The following PDZRN4 variants were observed in gnomAD, a reference collection of about 807,000 sequenced individuals.
PDZRN4 encodes PDZ domain containing ring finger 4.
Under a neutral mutation model 99.0 loss-of-function variants are expected in PDZRN4, and 70 were observed. That is an observed-to-expected ratio of 0.71 (90% confidence interval 0.58 to 0.86). The LOEUF (loss-of-function observed/expected upper bound fraction) is 0.86. Among genes scored for constraint, PDZRN4 ranks in the 40% least tolerant of loss-of-function variants. The probability of loss-of-function intolerance (pLI) is 0.00; values close to 1 mark genes in which losing one functional copy is unlikely to be tolerated. For missense variants in PDZRN4, 1,474 were observed against 1,331.2 expected (o/e 1.11, Z -1.67); for synonymous variants, 551 against 501.6 (o/e 1.10, Z -1.32).
chr12:41,543,995 A>G (rs970446942), intron 5 of PDZRN4, among the ~76,000 whole-genome samples: 1 of 152,214 alleles, frequency 6.6e-6, no homozygotes, highest in Non-Finnish European at 1.5e-5. Context: ...ATATTTCCAA[A>G]AAAACCATGA....
At chr12:41,497,015 A>C (rs997324358) in intron 3 of PDZRN4, among the ~76,000 whole-genome samples, 1 of 152,092 alleles carries the variant, frequency 6.6e-6, no homozygotes, top group Non-Finnish European at 1.5e-5. Context: ...GTTGTAATTC[A>C]CTGTCTCCTA....
intron 3 of PDZRN4, among the ~76,000 whole-genome samples, chr12:41,481,242 A>G (rs1270968594): frequency 6.6e-6 from 1 of 152,004 alleles, no homozygotes; most frequent in African/African-American, 2.4e-5. Context: ...GCTCATAGTC[A>G]TCTCTGTTTT....
At chr12:41,530,524 C>T (rs1938642642) in intron 5 of PDZRN4, among the ~76,000 whole-genome samples, 1 of 152,130 alleles carries the variant, frequency 6.6e-6, no homozygotes, top group Non-Finnish European at 1.5e-5. Context: ...TATGTATTCA[C>T]TTGGTGGGCG....
At chr12:41,228,434 C>A (rs1001578759) in intron 3 of PDZRN4, among the ~76,000 whole-genome samples, 34 of 152,072 alleles carry the variant, frequency 2.2e-4, no homozygotes, top group African/African-American at 7.7e-4. Context: ...GTTCACAACA[C>A]CGTTAGTATT....
intron 3 of PDZRN4, among the ~76,000 whole-genome samples, chr12:41,348,057 AATTCAAAGG>A (rs1383618093): frequency 6.6e-6 from 1 of 152,172 alleles, no homozygotes; most frequent in African/African-American, 2.4e-5. Flanking sequence ...TTGTACTGGA[AATTCAAAGG>A]TGAAAGATTA....
chr12:41,499,772 C>G (rs1938079049), intron 3 of PDZRN4, among the ~76,000 whole-genome samples: 1 of 151,992 alleles, frequency 6.6e-6, no homozygotes, highest in Admixed American at 6.6e-5. Context: ...TTTGAGAATG[C>G]CTTACCATCA....
chr12:41,192,203 A>G (rs1950739880), intron 2 of PDZRN4, among the ~76,000 whole-genome samples: 1 of 152,048 alleles, frequency 6.6e-6, no homozygotes, highest in Non-Finnish European at 1.5e-5. Flanking sequence ...CCTCTGGTTC[A>G]ATTGATTCTC....
intron 3 of PDZRN4, among the ~76,000 whole-genome samples, chr12:41,375,936 C>G (rs1452638268): frequency 1.3e-5 from 2 of 152,170 alleles, no homozygotes; most frequent in African/African-American, 4.8e-5. Flanking sequence ...AACATCCATT[C>G]TACTCTTAAT....
At chr12:41,400,482 G>T (rs1024866151) in intron 3 of PDZRN4, among the ~76,000 whole-genome samples, 1 of 152,222 alleles carries the variant, frequency 6.6e-6, no homozygotes, top group Non-Finnish European at 1.5e-5. Flanking sequence ...TGGGCAGAAG[G>T]CATACTTTAG....
intron 3 of PDZRN4, among the ~76,000 whole-genome samples, chr12:41,415,298 G>A (rs1014335553): frequency 2.0e-5 from 3 of 149,970 alleles, no homozygotes; most frequent in Non-Finnish European, 4.4e-5. Flanking sequence ...AGGAGGAAAA[G>A]TCAATGGAAA....
rs916659813 is a variant in PDZRN4, at chr12:41,189,173, G to T, written c.648+70G>T. 9.1e-6 allele frequency: 13 copies of T among 1,428,868 alleles called. No homozygotes were observed. The African/African-American group carries it at 1.7e-4, about 19-fold the overall frequency. The allele number at this position is 1,428,868 out of a possible 1,614,324, so 88.5% of individuals were successfully genotyped here. A position where few individuals can be genotyped will look rare whatever the true frequency, so the allele number is the denominator to read the frequency against. On this transcript the variant is annotated intron_variant, in intron 1 of 9. Coordinates refer to ENST00000402685, the MANE Select transcript of PDZRN4 (RefSeq NM_001164595.2). ...GGGAAAAGGAGCGGTTCTTTCTGAC[G>T]CTTCAGGATTCCTTTGGAATTGGGC...
intron 5 of PDZRN4, among the ~76,000 whole-genome samples, chr12:41,530,067 T>G (rs374913547): frequency 5.3e-5 from 8 of 152,228 alleles, no homozygotes; most frequent in African/African-American, 1.9e-4. Flanking sequence ...TATTTATCTA[T>G]TATACTTTTA....
intron 3 of PDZRN4, among the ~76,000 whole-genome samples, chr12:41,323,274 A>G (rs1190522535): frequency 2.0e-5 from 3 of 152,196 alleles, no homozygotes; most frequent in Non-Finnish European, 4.4e-5. Context: ...AAATAAAGTA[A>G]TTCTTCATTT....
chr12:41,213,173 G>A (rs1950898755), intron 3 of PDZRN4, among the ~76,000 whole-genome samples: 1 of 151,944 alleles, frequency 6.6e-6, no homozygotes, highest in Non-Finnish European at 1.5e-5. Flanking sequence ...ACCCATGAAA[G>A]TATTTAAGCA....
At chr12:41,460,462 A>G (rs1246738883) in intron 3 of PDZRN4, among the ~76,000 whole-genome samples, 1 of 152,202 alleles carries the variant, frequency 6.6e-6, no homozygotes, top group Non-Finnish European at 1.5e-5. Context: ...TATTGTTTCC[A>G]GATGAATTCA....
At chr12:41,400,899 C>G (rs1299832640) in intron 3 of PDZRN4, among the ~76,000 whole-genome samples, 5 of 152,054 alleles carry the variant, frequency 3.3e-5, no homozygotes, top group Admixed American at 2.6e-4. Flanking sequence ...CATTTATATC[C>G]TTTGCATTTT....
intron 5 of PDZRN4, among the ~76,000 whole-genome samples, chr12:41,524,018 G>A (rs1938531106): frequency 6.6e-6 from 1 of 152,016 alleles, no homozygotes; most frequent in South Asian, 2.1e-4. Context: ...AAAGTTGCAG[G>A]ATACAAAATC....
At chr12:41,485,287 A>G (rs1937752712) in intron 3 of PDZRN4, among the ~76,000 whole-genome samples, 1 of 152,154 alleles carries the variant, frequency 6.6e-6, no homozygotes, top group Admixed American at 6.6e-5. Flanking sequence ...GGCAAAATGC[A>G]TTATTCTGTA....
intron 5 of PDZRN4, among the ~76,000 whole-genome samples, chr12:41,526,885 T>TACTG (rs1938577078): frequency 6.6e-6 from 1 of 152,254 alleles, no homozygotes; most frequent in Non-Finnish European, 1.5e-5. Context: ...TACTGTAATA[T>TACTG]ACTGATGCTT....
Sources: gnomAD v4.1 joint callset for allele counts (sites outside exome capture counted in the v4.1 genomes callset) on GRCh38, gnomAD v4.1.1 for gene constraint, MANE v1.5 for transcripts, NCBI Gene and HGNC (gene_info 2026-07-23, HGNC 2026-07-21) for gene names.